The following UNC5D variants were observed in gnomAD, a reference collection of about 807,000 sequenced individuals.
UNC5D encodes unc-5 netrin receptor D.
In UNC5D, 39 loss-of-function variants were observed where a neutral mutation model predicts 105.4. The observed-to-expected ratio is 0.37, with a 90% confidence interval of 0.29 to 0.48. The LOEUF (loss-of-function observed/expected upper bound fraction) is 0.48, where lower values mean the gene tolerates loss of function less well. Among genes scored for constraint, UNC5D ranks in the 20% least tolerant of loss-of-function variants. The pLI, the probability that UNC5D is intolerant of heterozygous loss-of-function variation, is 0.98. For synonymous variants in UNC5D, 452 were observed against 450.4 expected (o/e 1.00, Z -0.04); for missense variants, 991 against 1,202.4 (o/e 0.82, Z 2.60).
chr8:35,623,907 C>T (rs561208780), intron 4 of UNC5D, among the ~76,000 whole-genome samples: 143 of 152,128 alleles, frequency 9.4e-4, no homozygotes, highest in African/African-American at 3.1e-3. Flanking sequence ...GGTGAAACCC[C>T]GTCTCTACTA....
intron 3 of UNC5D, among the ~76,000 whole-genome samples, chr8:35,580,141 A>T (rs1409451800): frequency 2.0e-5 from 3 of 152,180 alleles, no homozygotes; most frequent in African/African-American, 7.2e-5. Context: ...AGGGTAAAAT[A>T]AACCAGTTTG....
chr8:35,508,700 T>C (rs948009270), intron 1 of UNC5D, among the ~76,000 whole-genome samples: 2 of 152,144 alleles, frequency 1.3e-5, no homozygotes, highest in South Asian at 2.1e-4. Context: ...GATTGGCAGG[T>C]GGCACCAGGG....
At chr8:35,676,719 G>A (rs1457939945) in intron 4 of UNC5D, among the ~76,000 whole-genome samples, 1 of 152,108 alleles carries the variant, frequency 6.6e-6, no homozygotes, top group African/African-American at 2.4e-5. Context: ...CATGAGAGTG[G>A]GCAGTAGCAC....
intron 11 of UNC5D, among the ~76,000 whole-genome samples, chr8:35,739,243 C>A (rs1353924649): frequency 6.6e-6 from 1 of 152,122 alleles, no homozygotes. Flanking sequence ...ATGATGATTT[C>A]TTCACAGAGT....
intron 1 of UNC5D, among the ~76,000 whole-genome samples, chr8:35,507,654 TG>T (rs1279979247): frequency 6.6e-6 from 1 of 151,988 alleles, no homozygotes; most frequent in Non-Finnish European, 1.5e-5. Flanking sequence ...GGATGGTTAA[TG>T]GGTAAAAAAA....
intron 1 of UNC5D, among the ~76,000 whole-genome samples, chr8:35,464,392 A>G (rs1280322579): frequency 6.6e-6 from 1 of 152,142 alleles, no homozygotes; most frequent in Non-Finnish European, 1.5e-5. Context: ...AATAGTTTCA[A>G]ACCTGTGTAC....
At chr8:35,280,777 G>C (rs889169849) in intron 1 of UNC5D, among the ~76,000 whole-genome samples, 2 of 152,160 alleles carry the variant, frequency 1.3e-5, no homozygotes, top group African/African-American at 4.8e-5. Context: ...CTGAAAGAGT[G>C]TATTTCAGTG....
At chr8:35,495,458 C>CAAAAAAAAAAAAAA (rs71547636) in intron 1 of UNC5D, among the ~76,000 whole-genome samples, 10 of 44,614 alleles carry the variant, frequency 2.2e-4, no homozygotes, top group African/African-American at 5.0e-4. Context: ...ACAACAACAA[C>CAAAAAAAAAAAAAA]AAAAAAAAAA....
chr8:35,660,672 T>C (rs1247700112), intron 4 of UNC5D, among the ~76,000 whole-genome samples: 1 of 152,156 alleles, frequency 6.6e-6, no homozygotes, highest in Non-Finnish European at 1.5e-5. Flanking sequence ...GTAATCCATC[T>C]AGATAAAATA....
intron 1 of UNC5D, among the ~76,000 whole-genome samples, chr8:35,275,305 T>C (rs183998157): frequency 1.6e-3 from 243 of 152,054 alleles, no homozygotes; most frequent in African/African-American, 5.5e-3. Context: ...AAATCTAATA[T>C]TTTGAATCAA....
intron 1 of UNC5D, among the ~76,000 whole-genome samples, chr8:35,459,435 T>C (rs1808733831): frequency 6.6e-6 from 1 of 152,194 alleles, no homozygotes; most frequent in African/African-American, 2.4e-5. Flanking sequence ...GAAGTATAAC[T>C]GCTTGTTGAA....
chr8:35,324,443 C>CTG (rs34863918), intron 1 of UNC5D, among the ~76,000 whole-genome samples: 123,962 of 151,794 alleles, frequency 0.82, 51,117 homozygotes, highest in East Asian at 1. Flanking sequence ...TGTTTTTGTG[C>CTG]TTTTTGAGTA....
At chr8:35,784,328 T>C (rs1318863851) in intron 16 of UNC5D, among the ~76,000 whole-genome samples, 1 of 152,208 alleles carries the variant, frequency 6.6e-6, no homozygotes, top group Non-Finnish European at 1.5e-5. Flanking sequence ...TGCTTGTCCC[T>C]GTATTTTACA....
At chr8:35,490,560 T>C (rs2130098821) in intron 1 of UNC5D, among the ~76,000 whole-genome samples, 1 of 152,192 alleles carries the variant, frequency 6.6e-6, no homozygotes, top group Non-Finnish European at 1.5e-5. Flanking sequence ...TTTCGGGCCT[T>C]CATGGAAGAG....
chr8:35,572,273 G>A (rs1401182693), intron 3 of UNC5D, among the ~76,000 whole-genome samples: 1 of 29,608 alleles, frequency 3.4e-5, no homozygotes, highest in African/African-American at 1.7e-4. Context: ...GAGCGAGACT[G>A]TCAAAAAAAA....
chr8:35,488,295 A>G (rs982335211), intron 1 of UNC5D, among the ~76,000 whole-genome samples: 4 of 152,168 alleles, frequency 2.6e-5, no homozygotes, highest in East Asian at 1.9e-4. Context: ...ATGGGACAAA[A>G]TGAAGGAAGA....
At chr8:35,266,103 T>A (rs887430779) in intron 1 of UNC5D, among the ~76,000 whole-genome samples, 1 of 152,116 alleles carries the variant, frequency 6.6e-6, no homozygotes, top group Non-Finnish European at 1.5e-5. Context: ...AGGGCAAACC[T>A]CTTATTTTTT....
At chr8:35,236,022 G>A in intron 1 of UNC5D, 135 bp downstream of exon 1, 1 of 733,760 alleles carries the variant, frequency 1.4e-6, no homozygotes, top group Non-Finnish European at 1.9e-6. Context: ...AACCGGATGG[G>A]AGCCGAGTGG....
chr8:35,429,340 C>A (rs1399143241), intron 1 of UNC5D, among the ~76,000 whole-genome samples: 1 of 151,802 alleles, frequency 6.6e-6, no homozygotes, highest in Admixed American at 6.6e-5. Context: ...TCCATGAAAC[C>A]TGTTTTTTTT....
Sources: gnomAD v4.1 joint callset for allele counts (sites outside exome capture counted in the v4.1 genomes callset) on GRCh38, gnomAD v4.1.1 for gene constraint, MANE v1.5 for transcripts, NCBI Gene and HGNC (gene_info 2026-07-23, HGNC 2026-07-21) for gene names.